The following LIMS1 variants were observed in gnomAD, a reference collection of about 807,000 sequenced individuals.
LIMS1 encodes the protein LIM and senescent cell antigen-like-containing domain protein 1.
LIMS1 carries 18 observed loss-of-function variants against 44.1 expected under a neutral mutation model. The observed-to-expected ratio is 0.41, with a 90% CI of 0.28 to 0.61. The LOEUF (loss-of-function observed/expected upper bound fraction) is 0.61. LIMS1 is among the 20% of genes least tolerant of loss of function. The pLI is 0.32. For missense variants in LIMS1, 201 were observed against 422.0 expected, an observed-to-expected ratio of 0.48 and a Z score of 4.59; for synonymous variants, 93 against 149.1, an observed-to-expected ratio of 0.62 and a Z score of 2.74.
At position 108,615,092 on chromosome 2, in the gene LIMS1, T is replaced by G. The variant is rs999157443; in HGVS notation, c.33-44513T>G. Among the ~76,000 whole-genome samples, 12 of 121,344 alleles carry G rather than the reference T, an allele frequency of 9.9e-5. No individual in the cohort carries two copies. In the East Asian group the frequency reaches 0.021, roughly 213 times the overall value. 79.6% of individuals were successfully genotyped at this position (121,344 alleles called of 152,430 possible). ...CTAGAATCTATAGCGTATAGTTGTA[T>G]GTATAGTTGGTGGTCAGGCAGAACG... On this transcript the variant is annotated intron_variant, in intron 1 of 9. Coordinates refer to ENST00000544547, the Ensembl canonical transcript of LIMS1.
intron 9 of LIMS1, among the ~76,000 whole-genome samples, chr2:108,682,064 A>G (rs1233847273): frequency 6.6e-6 from 1 of 152,084 alleles, no homozygotes; most frequent in African/African-American, 2.4e-5. Flanking sequence ...CCTGATTTTT[A>G]TGAGAAGTAT....
intron 2 of LIMS1, chr2:108,660,716 G>A (rs1472100473): frequency 1.0e-5 from 2 of 193,888 alleles, no homozygotes; most frequent in East Asian, 3.0e-4. Flanking sequence ...GAACCACCAT[G>A]TCTGGCCTAC....
At chr2:108,583,867 A>G (rs1050366524) in intron 1 of LIMS1, among the ~76,000 whole-genome samples, 1 of 151,462 alleles carries the variant, frequency 6.6e-6, no homozygotes, top group Non-Finnish European at 1.5e-5. Flanking sequence ...GCTAACTTGT[A>G]TTTTTTAGTA....
At chr2:108,586,583 A>T (rs1686114799) in intron 1 of LIMS1, among the ~76,000 whole-genome samples, 2 of 152,208 alleles carry the variant, frequency 1.3e-5, no homozygotes, top group African/African-American at 4.8e-5. Flanking sequence ...CGAGTGGCGC[A>T]TGGCTTCAAG....
intron 1 of LIMS1, among the ~76,000 whole-genome samples, chr2:108,566,261 G>A (rs897486177): frequency 8.5e-5 from 13 of 152,170 alleles, no homozygotes; most frequent in Admixed American, 3.3e-4. Flanking sequence ...GCAGAGCAGT[G>A]CAAGACTCAG....
intron 1 of LIMS1, among the ~76,000 whole-genome samples, chr2:108,636,659 A>G (rs1689273409): frequency 6.6e-6 from 1 of 152,228 alleles, no homozygotes; most frequent in Non-Finnish European, 1.5e-5. Context: ...TAAGTGGGTA[A>G]TTGCCATATT....
chr2:108,533,954 C>G (rs1684013937), upstream of LIMS1: 1 of 152,966 alleles, frequency 6.5e-6, no homozygotes, highest in Admixed American at 6.5e-5. Context: ...CTCAGGCGTC[C>G]TCGCCAGGAC....
At chr2:108,676,436 A>C (rs999291571) in intron 6 of LIMS1, among the ~76,000 whole-genome samples, 170 bp from the exon 7 acceptor site, 1 of 152,214 alleles carries the variant, frequency 6.6e-6, no homozygotes, top group African/African-American at 2.4e-5. Context: ...AAAGACAGAC[A>C]CCTGAATTAC....
At chr2:108,548,310 G>T (rs1413984394) in intron 1 of LIMS1, among the ~76,000 whole-genome samples, 1 of 151,526 alleles carries the variant, frequency 6.6e-6, no homozygotes, top group African/African-American at 2.4e-5. Flanking sequence ...TTCAATGCTG[G>T]CTAACCCACA....
chr2:108,635,201 C>T (rs1237119372), intron 1 of LIMS1, among the ~76,000 whole-genome samples: 4 of 152,180 alleles, frequency 2.6e-5, no homozygotes, highest in African/African-American at 4.8e-5. Flanking sequence ...GAGGCCCAGG[C>T]GGGTGGATCA....
intron 1 of LIMS1, among the ~76,000 whole-genome samples, chr2:108,637,127 G>A (rs535394344): frequency 6.6e-6 from 1 of 151,388 alleles, no homozygotes; most frequent in Admixed American, 6.6e-5. Flanking sequence ...GTGTGTGTGT[G>A]TGTGTGTGTG....
At chr2:108,677,096 C>G (rs914887645) in intron 7 of LIMS1, among the ~76,000 whole-genome samples, 34 of 152,346 alleles carry the variant, frequency 2.2e-4, no homozygotes, top group African/African-American at 8.2e-4. Context: ...ATACCGTACT[C>G]TAACCATTTA....
chr2:108,600,336 C>G (rs2104717151), intron 1 of LIMS1, among the ~76,000 whole-genome samples: 1 of 151,852 alleles, frequency 6.6e-6, no homozygotes, highest in East Asian at 1.9e-4. Context: ...CAGGCATGAG[C>G]CACCACGCCT....
chr2:108,551,953 G>GTGTATATATATATA (rs56703030), intron 1 of LIMS1, among the ~76,000 whole-genome samples: 3 of 85,324 alleles, frequency 3.5e-5, no homozygotes, highest in African/African-American at 1.0e-4. Flanking sequence ...GTGTGTGTGT[G>GTGTATATATATATA]TATATATATA....
intron 1 of LIMS1, among the ~76,000 whole-genome samples, chr2:108,543,248 T>C (rs1026342079): frequency 5.9e-5 from 9 of 152,022 alleles, no homozygotes; most frequent in African/African-American, 1.9e-4. Context: ...CTGGGCAACA[T>C]AGTGGTACCT....
At chr2:108,635,202 G>A (rs1158141866) in intron 1 of LIMS1, among the ~76,000 whole-genome samples, 3 of 152,108 alleles carry the variant, frequency 2.0e-5, no homozygotes, top group Admixed American at 6.5e-5. Flanking sequence ...AGGCCCAGGC[G>A]GGTGGATCAC....
chr2:108,554,542 G>C (rs902927345), intron 1 of LIMS1, among the ~76,000 whole-genome samples: 2 of 152,184 alleles, frequency 1.3e-5, no homozygotes, highest in Non-Finnish European at 2.9e-5. Flanking sequence ...CTTGCCATTA[G>C]AGCTAGAGTA....
intron 1 of LIMS1, among the ~76,000 whole-genome samples, chr2:108,643,891 A>G (rs1041465254): frequency 1.3e-5 from 2 of 152,206 alleles, no homozygotes; most frequent in African/African-American, 4.8e-5. Flanking sequence ...AGTGTAAACA[A>G]AGCCACTGGG....
intron 1 of LIMS1, among the ~76,000 whole-genome samples, chr2:108,647,935 A>G (rs1457233980): frequency 6.6e-6 from 1 of 152,234 alleles, no homozygotes; most frequent in African/African-American, 2.4e-5. Flanking sequence ...TACCACTCCT[A>G]TTCAACATAG....
Sources: allele counts gnomAD v4.1 joint callset (sites outside exome capture counted in the v4.1 genomes callset), GRCh38; gene constraint gnomAD v4.1.1; transcripts MANE v1.5; gene names NCBI Gene and HGNC (gene_info 2026-07-23, HGNC 2026-07-21).